Variants in SAMD8 observed in about 807,000 individuals in gnomAD.
SAMD8 encodes sterile alpha motif domain containing 8, also known as sphingomyelin synthase-related protein 1.
A neutral mutation model predicts 42.0 loss-of-function variants in SAMD8; 20 were observed. The observed-to-expected ratio is 0.48, with a 90% CI of 0.34 to 0.69. SAMD8 has a LOEUF of 0.69. Ranked by LOEUF, SAMD8 falls within the 30% of genes least tolerant of loss-of-function variation. SAMD8 has a pLI of 0.01. For missense variants in SAMD8, 328 were observed against 511.6 expected (o/e 0.64, Z 3.46); for synonymous variants, 162 against 173.0 (o/e 0.94, Z 0.50).
intron 2 of SAMD8, among the ~76,000 whole-genome samples, chr10:75,152,395 G>A (rs1294064559): frequency 1.3e-5 from 2 of 149,826 alleles, no homozygotes; most frequent in East Asian, 4.0e-4. Context: ...AGTGGCGGGC[G>A]CCTGTAGTCC....
At chr10:75,106,700 C>T (rs888092473), upstream of SAMD8, among the ~76,000 whole-genome samples, 5 of 152,256 alleles carry the variant, frequency 3.3e-5, no homozygotes, top group Non-Finnish European at 7.3e-5. Context: ...TCCACCAGTT[C>T]CAAGAGGGCA....
intron 1 of SAMD8, among the ~76,000 whole-genome samples, chr10:75,133,422 A>G (rs1048160631): frequency 3.9e-5 from 6 of 152,172 alleles, no homozygotes; most frequent in Non-Finnish European, 8.8e-5. Context: ...AATGAAATAG[A>G]ACTACCATAC....
intron 1 of SAMD8, among the ~76,000 whole-genome samples, chr10:75,101,556 T>A (rs1262874240): frequency 6.6e-6 from 1 of 152,224 alleles, no homozygotes; most frequent in African/African-American, 2.4e-5. Flanking sequence ...ATTTTCTCAT[T>A]GAATCCTCAC....
intron 2 of SAMD8, among the ~76,000 whole-genome samples, chr10:75,155,853 A>G (rs1051508172): frequency 1.3e-5 from 2 of 152,190 alleles, no homozygotes; most frequent in Non-Finnish European, 2.9e-5. Flanking sequence ...GAGCTGATAC[A>G]AAATGATTTG....
chr10:75,148,165 T>C (rs2134475295), intron 1 of SAMD8, among the ~76,000 whole-genome samples: 1 of 152,298 alleles, frequency 6.6e-6, no homozygotes, highest in East Asian at 1.9e-4. Flanking sequence ...ACTTAATGTT[T>C]AACTGACACT....
chr10:75,163,085 C>T (rs990760069), intron 2 of SAMD8, among the ~76,000 whole-genome samples: 9 of 152,006 alleles, frequency 5.9e-5, no homozygotes, highest in African/African-American at 9.7e-5. Context: ...CCACCATGCC[C>T]GGCTAATTTT....
In SAMD8 at chr10:75,177,177, A is replaced by G. The variant is rs547371224; in HGVS notation, c.*485A>G. 1.0e-4 allele frequency: 16 copies of G among 154,468 alleles called. No homozygotes were observed. The highest frequency in any genetic ancestry group is 3.8e-4 in the Admixed American group (6 of 15,646). 9.6% of individuals were successfully genotyped at this position (154,468 alleles called of 1,614,324 possible). A position where few individuals can be genotyped will look rare whatever the true frequency, so the allele number is the denominator to read the frequency against. ...ATTTTAAAAAATGCAACCCTGGGAC[A>G]TGATCTGTTTTACTGACAAAGAGTT... On this transcript the variant is annotated 3_prime_UTR_variant, in exon 6 of 6. Coordinates refer to ENST00000542569, the MANE Select transcript of SAMD8 (RefSeq NM_001174156.2).
chr10:75,173,359 A>T (rs1007204082), intron 4 of SAMD8, among the ~76,000 whole-genome samples: 1 of 152,222 alleles, frequency 6.6e-6, no homozygotes, highest in Non-Finnish European at 1.5e-5. Context: ...CAGAACCAAT[A>T]ACATGCCTAT....
rs1840983225 is a variant in SAMD8, at chr10:75,176,032, A to G, written c.793-34A>G. 1 of 1,595,808 alleles carries G rather than the reference A, an allele frequency of 6.3e-7. No individual in the cohort carries two copies. The highest frequency in any genetic ancestry group is 8.5e-7 in the Non-Finnish European group (1 of 1,170,596). On this transcript the variant is annotated intron_variant, in intron 4 of 5. Transcript: ENST00000542569. The surrounding 1 kb of genome is among the most constrained non-coding windows in gnomAD (Gnocchi z 4.3). ...TTGGGAAGTTCCCACCTCCCTAAGC[A>G]TTTGAAGCACTAATTCATAACTTTT... is the stretch of plus-strand genomic sequence containing the variant.
intron 1 of SAMD8, among the ~76,000 whole-genome samples, chr10:75,134,637 C>A (rs542027518): frequency 2.6e-5 from 4 of 151,622 alleles, no homozygotes; most frequent in Admixed American, 6.6e-5. Flanking sequence ...TTTCCCCCCC[C>A]CAAAAAAAAG....
chr10:75,148,346 C>CTGTTTTTTTTTTTTT (rs1840193138), intron 1 of SAMD8, among the ~76,000 whole-genome samples: 1 of 82,564 alleles, frequency 1.2e-5, no homozygotes, highest in African/African-American at 6.5e-5. Flanking sequence ...GCAATACCAG[C>CTGTTTTTTTTTTTTT]TTTTTTTTTT....
intron 1 of SAMD8, among the ~76,000 whole-genome samples, chr10:75,138,969 T>C (rs981500827): frequency 3.0e-5 from 3 of 98,944 alleles, no homozygotes; most frequent in South Asian, 3.1e-4. Flanking sequence ...TTTTTTTTTT[T>C]TTTTTTTTGA....
chr10:75,147,977 A>T (rs927534355), intron 1 of SAMD8, among the ~76,000 whole-genome samples: 1 of 152,228 alleles, frequency 6.6e-6, no homozygotes, highest in Non-Finnish European at 1.5e-5. Context: ...TTGTTATTCC[A>T]TAATGCATAA....
At chr10:75,173,525 T>G (rs1840918052) in intron 4 of SAMD8, among the ~76,000 whole-genome samples, 1 of 152,254 alleles carries the variant, frequency 6.6e-6, no homozygotes, top group African/African-American at 2.4e-5. Flanking sequence ...GCCTTTTGAC[T>G]GGCATCACTA....
rs1848772105 is a variant in SAMD8 at position 75,111,683 on chromosome 10, C to T, written c.-55C>T. The T allele has an allele frequency of 2.4e-6, 3 of 1,239,012 alleles. No individual in the cohort carries two copies. The highest frequency in any genetic ancestry group is 1.6e-5 in the African/African-American group (1 of 64,438). The allele number at this position is 1,239,012 out of a possible 1,614,324, so 76.8% of individuals were successfully genotyped here. ...ACTCCGACGGCGGCTCGGACGCCGA[C>T]TCGGAGGTGGGTCCGGGGAGCCCGA... On this transcript the variant is annotated 5_prime_UTR_variant, in exon 1 of 6. Coordinates refer to ENST00000542569, the MANE Select transcript of SAMD8 (RefSeq NM_001174156.2).
intron 2 of SAMD8, among the ~76,000 whole-genome samples, chr10:75,160,028 A>G (rs763478048): frequency 2.0e-4 from 27 of 137,092 alleles, no homozygotes; most frequent in Non-Finnish European, 3.3e-4. Flanking sequence ...GCTGATAACC[A>G]TAATAGCAAG....
intron 1 of SAMD8, chr10:75,104,194 T>C: frequency 1.2e-6 from 1 of 832,590 alleles, no homozygotes; most frequent in Non-Finnish European, 1.7e-6. Context: ...CACCTAAACC[T>C]GCTTCTGCCT....
At chr10:75,127,146 G>A (rs916299611) in intron 1 of SAMD8, among the ~76,000 whole-genome samples, 1 of 143,118 alleles carries the variant, frequency 7.0e-6, no homozygotes, top group Non-Finnish European at 1.5e-5. Context: ...CTGAGATTGC[G>A]CCACCGCACT....
upstream of SAMD8, chr10:75,108,963 C>G: frequency 6.4e-7 from 1 of 1,551,242 alleles, no homozygotes; most frequent in East Asian, 2.4e-5. Context: ...CAAGAACTGC[C>G]TCTCCACGTC....
Sources: gnomAD v4.1 joint callset for allele counts (sites outside exome capture counted in the v4.1 genomes callset) on GRCh38, gnomAD v4.1.1 for gene constraint, Gnocchi (gnomAD v3.1) non-coding constraint, MANE v1.5 for transcripts, NCBI Gene and HGNC (gene_info 2026-07-23, HGNC 2026-07-21) for gene names.